Variants in GPC3 observed in about 807,000 individuals in gnomAD.
GPC3 encodes glypican-3.
GPC3 carries 3 observed loss-of-function variants against 34.4 expected under a neutral mutation model. The ratio of observed to expected loss-of-function variants is 0.09; its 90% confidence interval spans 0.04 to 0.23. The LOEUF (loss-of-function observed/expected upper bound fraction) is 0.23, where lower values mean the gene tolerates loss of function less well. Ranked by LOEUF, GPC3 falls within the 10% of genes least tolerant of loss-of-function variation. GPC3 has a pLI of 1.00. For synonymous variants in GPC3, 177 were observed against 174.0 expected, an observed-to-expected ratio of 1.02 and a Z score of -0.13; for missense variants, 351 against 445.6, an observed-to-expected ratio of 0.79 and a Z score of 1.91.
rs778555575 is a variant in GPC3, at chrX:133,812,486, A to G, written c.338-58310T>C. On this transcript the variant is annotated intron_variant, in intron 2 of 7. Coordinates refer to ENST00000370818, the MANE Select transcript of GPC3 (RefSeq NM_004484.4). ...TGGGAGGGGGAACAGGTGAGGAGGA[A>G]TAAGGAGACCTCAGTCCAGATCTTC... 3.6e-5 allele frequency among the ~76,000 whole-genome samples: 4 copies of G among 111,956 alleles called. No homozygotes were observed. In the East Asian group the frequency reaches 1.1e-3, roughly 32 times the overall value.
chrX:133,880,864 AAATAAT>A (rs941188375), intron 2 of GPC3, among the ~76,000 whole-genome samples: 2 of 111,597 alleles, frequency 1.8e-5, no homozygotes, highest in Non-Finnish European at 3.8e-5. Flanking sequence ...AAGATTTACC[AAATAAT>A]AATAATAATA....
chrX:133,589,502 G>A (rs897960551), intron 7 of GPC3, among the ~76,000 whole-genome samples: 2 of 111,103 alleles, frequency 1.8e-5, no homozygotes, highest in African/African-American at 6.6e-5. Context: ...TCAGCCTCCC[G>A]AGGAGCTGGG....
intron 2 of GPC3, among the ~76,000 whole-genome samples, chrX:133,802,534 C>T (rs1172466867): frequency 8.9e-6 from 1 of 112,067 alleles, no homozygotes; most frequent in East Asian, 2.8e-4. Context: ...TAGCCATATA[C>T]ATATATTCTC....
At chrX:133,847,674 T>C (rs1035188781) in intron 2 of GPC3, among the ~76,000 whole-genome samples, 7 of 112,307 alleles carry the variant, frequency 6.2e-5, no homozygotes, top group African/African-American at 2.3e-4. Flanking sequence ...ATGAATTAAC[T>C]GTTTTCCAAA....
chrX:133,701,884 A>G (rs987661892), intron 3 of GPC3, among the ~76,000 whole-genome samples: 4 of 112,204 alleles, frequency 3.6e-5, no homozygotes, highest in Non-Finnish European at 7.5e-5. Context: ...GAGTAGCATC[A>G]CCTTCATTTA....
intron 2 of GPC3, among the ~76,000 whole-genome samples, chrX:133,947,772 A>G (rs1460938471): frequency 2.7e-5 from 3 of 112,197 alleles, no homozygotes; most frequent in Middle Eastern, 4.6e-3. Flanking sequence ...GCTTTGCTGT[A>G]CAGATGAGCG....
At chrX:133,860,841 C>T (rs2075933024) in intron 2 of GPC3, among the ~76,000 whole-genome samples, 1 of 111,839 alleles carries the variant, frequency 8.9e-6, no homozygotes, top group Non-Finnish European at 1.9e-5. Flanking sequence ...GTGGCTCATG[C>T]CTGTAATCCT....
At chrX:133,540,529 T>A (rs1372804012) in intron 7 of GPC3, among the ~76,000 whole-genome samples, 1 of 111,040 alleles carries the variant, frequency 9.0e-6, no homozygotes, top group Non-Finnish European at 1.9e-5. Flanking sequence ...AAGAATGACA[T>A]AATAGACACT....
chrX:133,875,693 T>G (rs1054407983), intron 2 of GPC3, among the ~76,000 whole-genome samples: 1 of 111,306 alleles, frequency 9.0e-6, no homozygotes, highest in African/African-American at 3.3e-5. Context: ...ACTCAGCCTA[T>G]ACACTCCCTT....
chrX:133,950,366 A>C (rs1034309180), intron 2 of GPC3, among the ~76,000 whole-genome samples: 1 of 112,063 alleles, frequency 8.9e-6, no homozygotes, highest in African/African-American at 3.2e-5. Context: ...ATCCAAATCG[A>C]GGCAGTAAGG....
At chrX:133,914,882 C>CAA (rs766932301) in intron 2 of GPC3, among the ~76,000 whole-genome samples, 3 of 50,801 alleles carry the variant, frequency 5.9e-5, no homozygotes, top group East Asian at 6.1e-4. Context: ...CCCACCATGC[C>CAA]AAAAAAAAAA....
Position 133,841,259 on chromosome X carries a change from A to G in GPC3, c.338-87083T>C, listed in dbSNP as rs1468061850. 4.7e-5 allele frequency among the ~76,000 whole-genome samples: 3 copies of G among 64,142 alleles called. 1 individual carries two copies. Among genetic ancestry groups the G allele is most frequent in the Admixed American group, 2.6e-4 (1 of 3,903 alleles). The allele number at this position is 64,142 out of a possible 115,157, so 55.7% of individuals were successfully genotyped here. A position where few individuals can be genotyped will look rare whatever the true frequency, so the allele number is the denominator to read the frequency against. ...TTTTTGGTAGAGATGGGGTCTCCCT[A>G]TGTTGCCTAGGCTTGGTCTCGAACT... On this transcript the variant is annotated intron_variant, in intron 2 of 7. Coordinates refer to ENST00000370818, the MANE Select transcript of GPC3 (RefSeq NM_004484.4).
chrX:133,699,759 T>C (rs2071149806), intron 4 of GPC3, 136 bp downstream of exon 4: 2 of 466,326 alleles, frequency 4.3e-6, no homozygotes, highest in Non-Finnish European at 7.2e-6. Flanking sequence ...TGACAGATGA[T>C]AAAATTTAAT....
chrX:133,584,519 C>T (rs1379327810), intron 7 of GPC3, among the ~76,000 whole-genome samples: 2 of 112,066 alleles, frequency 1.8e-5, no homozygotes, highest in African/African-American at 6.5e-5. Flanking sequence ...CACTCTGTCA[C>T]CCAGGCCGAA....
At chrX:133,930,412 C>T (rs1259575653) in intron 2 of GPC3, among the ~76,000 whole-genome samples, 3 of 112,097 alleles carry the variant, frequency 2.7e-5, no homozygotes, top group African/African-American at 9.7e-5. Context: ...AAAAACCCTG[C>T]TTTAGACAAA....
intron 2 of GPC3, among the ~76,000 whole-genome samples, chrX:133,849,126 G>A (rs1190108184): frequency 1.3e-5 from 1 of 74,193 alleles, no homozygotes; most frequent in African/African-American, 5.8e-5. Flanking sequence ...ACAGAGTCTC[G>A]CTCTGTCCCC....
At chrX:133,833,726 T>C (rs1175128590) in intron 2 of GPC3, among the ~76,000 whole-genome samples, 1 of 112,752 alleles carries the variant, frequency 8.9e-6, no homozygotes. Context: ...TAAAAGGCTT[T>C]GTATGCCATG....
intron 7 of GPC3, among the ~76,000 whole-genome samples, chrX:133,561,914 AG>A (rs761698061): frequency 9.8e-5 from 11 of 112,533 alleles, no homozygotes; most frequent in African/African-American, 3.5e-4. Context: ...ACAAACTTCA[AG>A]TATCTTCTTT....
intron 2 of GPC3, among the ~76,000 whole-genome samples, chrX:133,838,882 T>A (rs761127466): frequency 6.3e-5 from 7 of 111,825 alleles, no homozygotes; most frequent in Non-Finnish European, 1.1e-4. Context: ...GCAGCTCCAA[T>A]GGGCTGATGG....
Sources: allele counts gnomAD v4.1 joint callset (sites outside exome capture counted in the v4.1 genomes callset), GRCh38; gene constraint gnomAD v4.1.1; transcripts MANE v1.5; gene names NCBI Gene and HGNC (gene_info 2026-07-23, HGNC 2026-07-21).